The following KLK15 variants were observed in gnomAD, a reference collection of about 807,000 sequenced individuals.
The protein encoded by KLK15 is kallikrein related peptidase 15, also known as kallikrein-15.
Under a neutral mutation model 21.1 loss-of-function variants are expected in KLK15, and 19 were observed. That is an observed-to-expected ratio of 0.90 (90% CI 0.63 to 1.32). The LOEUF is 1.32. KLK15 is among the 40% of genes most tolerant of loss of function. The pLI is 0.00. For missense variants in KLK15, 345 were observed against 348.6 expected (o/e 0.99, Z 0.08); for synonymous variants, 141 against 141.5 (o/e 1.00, Z 0.03).
downstream of KLK15, chr19:50,825,727 C>G: frequency 6.6e-7 from 1 of 1,508,536 alleles, no homozygotes; most frequent in South Asian, 1.2e-5. Flanking sequence ...TGTTCCATGT[C>G]AGGCGGGGCT....
At position 50,827,950 on chromosome 19, in the gene KLK15, T is replaced by TTTTGTTG. The variant is rs1301689289; in HGVS notation, c.44-136_44-135insCAACAAA. The TTTTGTTG allele has an allele frequency of 4.6e-5, 16 of 347,978 alleles. No homozygotes were observed. The East Asian group carries it at 8.7e-4, about 19-fold the overall frequency. The allele number at this position is 347,978 out of a possible 1,614,324, so 21.6% of individuals were successfully genotyped here. A position where few individuals can be genotyped will look rare whatever the true frequency, so the allele number is the denominator to read the frequency against. ...CTCAAGACACCCTGCCCTGTTTTTG[T>TTTTGTTG]TTGTTGTTGTTGTTGTTTTTGAGAC... On this transcript the variant is annotated intron_variant, in intron 1 of 4. Coordinates refer to ENST00000598239, the Ensembl canonical transcript of KLK15.
chr19:50,830,328 AGC>A (rs2089960991), intron 1 of KLK15, among the ~76,000 whole-genome samples: 1 of 151,848 alleles, frequency 6.6e-6, no homozygotes, highest in Admixed American at 6.6e-5. Context: ...GGATTTGCAC[AGC>A]CAGACCAAAT....
At chr19:50,825,637 C>T (rs1480238988), downstream of KLK15, 7 of 616,300 alleles carry the variant, frequency 1.1e-5, no homozygotes, top group South Asian at 9.1e-5. Flanking sequence ...TGACCTTGAG[C>T]GCCAGCTTTG....
At chr19:50,830,018 G>T (rs1438113229) in intron 1 of KLK15, among the ~76,000 whole-genome samples, 1 of 151,522 alleles carries the variant, frequency 6.6e-6, no homozygotes, top group East Asian at 1.9e-4. Flanking sequence ...GCCAGGGCAG[G>T]ACATATTTAT....
At chr19:50,830,985 T>C (rs11879167) in intron 1 of KLK15, 4,758 of 152,886 alleles carry the variant, frequency 0.031, 140 homozygotes, top group African/African-American at 0.071. Context: ...GAGTGGCAGG[T>C]GTGGGACTCA....
At chr19:50,832,830 G>A (rs1474540014), upstream of KLK15, among the ~76,000 whole-genome samples, 2 of 152,140 alleles carry the variant, frequency 1.3e-5, no homozygotes, top group East Asian at 3.8e-4. Context: ...ACCCTCAGTG[G>A]TGTCTGCCTC....
At chr19:50,833,406 C>T (rs115797596), upstream of KLK15, among the ~76,000 whole-genome samples, 792 of 152,326 alleles carry the variant, frequency 5.2e-3, 8 homozygotes, top group African/African-American at 0.018. Context: ...GTAAAGGACA[C>T]GTGGATCTAC....
intron 4 of KLK15, chr19:50,826,406 A>G: frequency 1.9e-6 from 1 of 524,706 alleles, no homozygotes; most frequent in Non-Finnish European, 3.3e-6. Flanking sequence ...TGCCATCTCA[A>G]ACTAACTATC....
intron 3 of KLK15, 57 bp from the exon 5 acceptor site, chr19:50,826,814 G>A (rs2089887158): frequency 1.3e-6 from 2 of 1,576,674 alleles, no homozygotes; most frequent in African/African-American, 1.4e-5. Context: ...TGTCCCCTCC[G>A]CCCAAGAGCC....
chr19:50,828,058 T>G lies in KLK15; in HGVS notation c.44-243A>C, dbSNP rs10412956. Among the ~76,000 whole-genome samples the G allele has an allele frequency of 8.4e-3, 1,272 of 151,614 alleles. 43 individuals carry two copies. Among genetic ancestry groups the G allele is most frequent in the African/African-American group, 0.029 (1,199 of 41,408 alleles). On this transcript the variant is annotated intron_variant, in intron 1 of 4. Coordinates refer to ENST00000598239, the Ensembl canonical transcript of KLK15. ...ACTTCCGCCTCCTGGGTTCAAGTGA[T>G]CCTCCTGCCTCAGCCTCCCGAGTAG... is the stretch of plus-strand genomic sequence containing the variant.
upstream of KLK15, among the ~76,000 whole-genome samples, chr19:50,832,820 A>G (rs1425275632): frequency 6.6e-6 from 1 of 151,746 alleles, no homozygotes; most frequent in East Asian, 1.9e-4. Context: ...ACCTCCCCTG[A>G]CCCTCAGTGG....
intron 1 of KLK15, among the ~76,000 whole-genome samples, chr19:50,830,295 A>C (rs964363951): frequency 2.0e-5 from 3 of 151,786 alleles, no homozygotes; most frequent in African/African-American, 7.2e-5. Context: ...GAAGCCATGC[A>C]CACTCCCACC....
chr19:50,825,983 A>G (rs980336939), intron 4 of KLK15, 35 bp from the exon 6 acceptor site: 2 of 1,591,714 alleles, frequency 1.3e-6, no homozygotes, highest in Non-Finnish European at 8.6e-7. Context: ...GGTTGAGTGA[A>G]ACCTCCTGGA....
chr19:50,826,875 C>T lies in KLK15; in HGVS notation c.481+3G>A, dbSNP rs368830514. Reference sequence around the variant, plus strand: ...TCGCATCCAGCTCCATCCTTTCACGCACCTTGTGACCGGGGGCTCCCAGCG... The same window carrying T: ...TCGCATCCAGCTCCATCCTTTCACGTACCTTGTGACCGGGGGCTCCCAGCG... On this transcript the variant is annotated splice_donor_region_variant and intron_variant, in intron 3 of 4. Transcript: ENST00000598239. 9.6e-6 allele frequency: 15 copies of T among 1,558,256 alleles called. No individual in the cohort carries two copies. The highest frequency in any genetic ancestry group is 1.2e-5 in the Non-Finnish European group (14 of 1,151,204).
intron 1 of KLK15, among the ~76,000 whole-genome samples, chr19:50,829,594 T>C (rs1323452993): frequency 6.6e-6 from 1 of 151,628 alleles, no homozygotes; most frequent in Non-Finnish European, 1.5e-5. Flanking sequence ...GTCAGGAGTT[T>C]GAGACCAGCC....
upstream of KLK15, among the ~76,000 whole-genome samples, chr19:50,832,328 T>C (rs113447838): frequency 1.6e-4 from 15 of 91,352 alleles, no homozygotes; most frequent in East Asian, 8.6e-4. Flanking sequence ...TTTTCTTTTT[T>C]TTTTTTTTTT....
chr19:50,826,127 A>C, intron 4 of KLK15, 179 bp from the exon 6 acceptor site: 1 of 594,186 alleles, frequency 1.7e-6, no homozygotes, highest in African/African-American at 1.9e-5. Flanking sequence ...CCCAACCCCA[A>C]CCCCAATTCA....
chr19:50,825,982 A>G, intron 4 of KLK15, 34 bp from the exon 6 acceptor site: 1 of 1,594,634 alleles, frequency 6.3e-7, no homozygotes, highest in African/African-American at 1.3e-5. Context: ...AGGTTGAGTG[A>G]AACCTCCTGG....
In KLK15 at chr19:50,827,661, C is replaced by T. The variant is rs1422877577; in HGVS notation, c.197+1G>A. ...AGGACCCTGAGCCCCTGCCTTCATA[C>T]CGGCTTTGGCAGTGGGCCGCAGACA... is the stretch of plus-strand genomic sequence containing the variant. On this transcript the variant is annotated splice_donor_variant, in intron 2 of 4. Transcript: ENST00000598239. LOFTEE classifies it high-confidence loss of function. 6.2e-7 allele frequency: 1 copy of T among 1,610,276 alleles called. No homozygotes were observed. The highest frequency in any genetic ancestry group is 1.3e-5 in the African/African-American group (1 of 74,824).
Sources: allele counts gnomAD v4.1 joint callset (sites outside exome capture counted in the v4.1 genomes callset), GRCh38; gene constraint gnomAD v4.1.1; transcripts MANE v1.5; gene names NCBI Gene and HGNC (gene_info 2026-07-23, HGNC 2026-07-21).